Variants in ME3 observed in about 807,000 individuals in gnomAD.
The protein encoded by ME3 is malic enzyme 3, also known as NADP-dependent malic enzyme, mitochondrial.
Under a neutral mutation model 68.9 loss-of-function variants are expected in ME3, and 48 were observed. The observed-to-expected ratio is 0.70, with a 90% CI of 0.55 to 0.89. The LOEUF is 0.89. Among genes scored for constraint, ME3 ranks in the 40% least tolerant of loss-of-function variants. The pLI, the probability that ME3 is intolerant of heterozygous loss-of-function variation, is 0.00. For missense variants in ME3, 675 were observed against 797.4 expected, an observed-to-expected ratio of 0.85 and a Z score of 1.85; for synonymous variants, 320 against 318.8, an observed-to-expected ratio of 1.00 and a Z score of -0.04.
At chr11:86,562,561 G>A (rs1957286332) in intron 2 of ME3, among the ~76,000 whole-genome samples, 1 of 152,086 alleles carries the variant, frequency 6.6e-6, no homozygotes, top group East Asian at 1.9e-4. Context: ...GGTATTGTCA[G>A]TTTTTTGGAT....
At chr11:86,639,402 C>T (rs1231984941) in intron 2 of ME3, among the ~76,000 whole-genome samples, 1 of 152,190 alleles carries the variant, frequency 6.6e-6, no homozygotes, top group African/African-American at 2.4e-5. Context: ...GAAACACAAA[C>T]CTCCTACCCA....
intron 2 of ME3, among the ~76,000 whole-genome samples, chr11:86,615,863 G>A (rs371174756): frequency 6.6e-6 from 1 of 152,104 alleles, no homozygotes; most frequent in Non-Finnish European, 1.5e-5. Flanking sequence ...AAATATTCTT[G>A]TAGTGATTTC....
At chr11:86,509,749 G>T (rs1437175499) in intron 4 of ME3, among the ~76,000 whole-genome samples, 1 of 104,422 alleles carries the variant, frequency 9.6e-6, no homozygotes, top group African/African-American at 3.6e-5. Context: ...ACACACAGGG[G>T]GATTGGCAAA....
chr11:86,508,808 G>A lies in ME3; in HGVS notation c.527C>T (p.Pro176Leu), dbSNP rs745848547. The stretch of plus-strand genomic sequence containing the variant: ...GGATCATACCTTAATATTGTCTTCT[G>A]GCCAAGAATTCAGCATTGTTGCAAG... Residue 176 changes from proline (P) to leucine (L), a missense_variant, in exon 5 of 15, where the codon CCA becomes CTA. Coordinates refer to ENST00000543262, the Ensembl canonical transcript of ME3. 1.7e-5 allele frequency: 27 copies of A among 1,612,590 alleles called. No individual in the cohort carries two copies. The South Asian group carries it at 3.0e-4, about 18-fold the overall frequency.
At chr11:86,639,293 T>C (rs118186498) in intron 2 of ME3, among the ~76,000 whole-genome samples, 1 of 143,234 alleles carries the variant, frequency 7.0e-6, no homozygotes, top group African/African-American at 2.6e-5. Context: ...GTCTCCCTAA[T>C]GTACATAATG....
intron 7 of ME3, among the ~76,000 whole-genome samples, chr11:86,468,943 A>G (rs1432157178): frequency 6.6e-6 from 1 of 152,056 alleles, no homozygotes; most frequent in African/African-American, 2.4e-5. Context: ...ATTGCAAGTT[A>G]TTTGCTCACA....
chr11:86,474,412 C>T (rs557600955), intron 7 of ME3, among the ~76,000 whole-genome samples: 2 of 152,268 alleles, frequency 1.3e-5, no homozygotes, highest in Admixed American at 6.5e-5. Context: ...CACCAAATGG[C>T]GCCAGAAATC....
At chr11:86,602,791 C>A (rs182682608) in intron 2 of ME3, among the ~76,000 whole-genome samples, 1 of 152,058 alleles carries the variant, frequency 6.6e-6, no homozygotes, top group Non-Finnish European at 1.5e-5. Context: ...TCAGAAATAA[C>A]GCCACATATC....
exon 2 of ME3, chr11:86,671,916 C>T (rs1364942265): frequency 2.1e-6 from 3 of 1,443,702 alleles, no homozygotes; most frequent in South Asian, 1.5e-5. Flanking sequence ...GGGAGCCAGC[C>T]GCGTGCCTGT....
intron 2 of ME3, among the ~76,000 whole-genome samples, chr11:86,661,397 GA>G (rs1413231658): frequency 1.3e-5 from 2 of 152,200 alleles, no homozygotes; most frequent in African/African-American, 4.8e-5. Context: ...AAAAGTGAGG[GA>G]AAGAACAAAA....
In ME3 at chr11:86,481,258, GC is replaced by G; in HGVS notation, c.809+6078del. ...TGGGAGACGGGGGTGTCACTATGTT[GC>G]CTGGGCTGGTCTTGAACTCCTGGCC... On this transcript the variant is annotated intron_variant, in intron 7 of 14. Transcript: ENST00000543262. Among the ~76,000 whole-genome samples the G allele has an allele frequency of 2.3e-5, 3 of 130,046 alleles. No individual in the cohort carries two copies. The Admixed American group carries it at 2.7e-4, about 12-fold the overall frequency. 85.3% of individuals were successfully genotyped at this position (130,046 alleles called of 152,430 possible).
At chr11:86,590,793 T>C (rs1959008645) in intron 2 of ME3, among the ~76,000 whole-genome samples, 1 of 152,216 alleles carries the variant, frequency 6.6e-6, no homozygotes, top group Admixed American at 6.5e-5. Context: ...CAGCTAATTT[T>C]ACTGAAGGCA....
chr11:86,462,595 T>C, intron 8 of ME3: 2 of 1,287,292 alleles, frequency 1.6e-6, no homozygotes, highest in Non-Finnish European at 2.0e-6. Flanking sequence ...TATGAGGATG[T>C]CAGTTTGTAT....
chr11:86,522,904 G>A (rs952231738), intron 4 of ME3, among the ~76,000 whole-genome samples: 1 of 152,160 alleles, frequency 6.6e-6, no homozygotes, highest in Non-Finnish European at 1.5e-5. Flanking sequence ...TATGTTATAT[G>A]CAAATACTAT....
chr11:86,446,875 G>A, intron 12 of ME3, 190 bp downstream of exon 12: 1 of 737,970 alleles, frequency 1.4e-6, no homozygotes, highest in Non-Finnish European at 2.1e-6. Context: ...CTTGGGCTTT[G>A]GAGTCAGACC....
intron 4 of ME3, among the ~76,000 whole-genome samples, chr11:86,556,068 A>T (rs1956910037): frequency 6.6e-6 from 1 of 152,232 alleles, no homozygotes; most frequent in Non-Finnish European, 1.5e-5. Flanking sequence ...GGAGTGCCAA[A>T]GTTTTGTCTA....
intron 4 of ME3, among the ~76,000 whole-genome samples, chr11:86,523,106 T>G (rs1265778321): frequency 6.6e-6 from 1 of 152,236 alleles, no homozygotes; most frequent in Non-Finnish European, 1.5e-5. Context: ...AGTCCTACTG[T>G]TGGCTCCTTG....
At position 86,635,431 on chromosome 11, in the gene ME3, C is replaced by T. The variant is rs900459216; in HGVS notation, c.183+36331G>A. Among the ~76,000 whole-genome samples the T allele has an allele frequency of 2.6e-5, 4 of 152,316 alleles. No individual in the cohort carries two copies. In the South Asian group the frequency reaches 8.3e-4, roughly 32 times the overall value. The stretch of plus-strand genomic sequence containing the variant: ...TCCAGAACTGTGAGAATAAGCCACA[C>T]AGTCTATGGTATTTTGTTATGATAG... On this transcript the variant is annotated intron_variant, in intron 2 of 14. Transcript: ENST00000543262.
At chr11:86,554,727 G>A (rs915368854) in intron 4 of ME3, among the ~76,000 whole-genome samples, 3 of 152,142 alleles carry the variant, frequency 2.0e-5, no homozygotes, top group East Asian at 1.9e-4. Flanking sequence ...ATTAAAATTC[G>A]GGGCTGATTG....
Sources: gnomAD v4.1 joint callset for allele counts (sites outside exome capture counted in the v4.1 genomes callset) on GRCh38, gnomAD v4.1.1 for gene constraint, MANE v1.5 for transcripts, NCBI Gene and HGNC (gene_info 2026-07-23, HGNC 2026-07-21) for gene names.